Variants in ISG20 observed in about 807,000 individuals in gnomAD.
ISG20 encodes the protein interferon-stimulated gene 20 kDa protein.
ISG20 carries 8 observed loss-of-function variants against 11.1 expected under a neutral mutation model. The ratio of observed to expected loss-of-function variants is 0.72; its 90% confidence interval spans 0.42 to 1.30. ISG20 has a LOEUF of 1.30. ISG20 is among the 50% of genes most tolerant of loss of function. The probability of loss-of-function intolerance (pLI) is 0.01; values close to 1 mark genes in which losing one functional copy is unlikely to be tolerated. For synonymous variants in ISG20, 110 were observed against 101.7 expected, an observed-to-expected ratio of 1.08 and a Z score of -0.49; for missense variants, 243 against 250.2, an observed-to-expected ratio of 0.97 and a Z score of 0.19.
chr15:88,640,287 A>G (rs1209867613), intron 2 of ISG20, among the ~76,000 whole-genome samples: 3 of 152,218 alleles, frequency 2.0e-5, no homozygotes, highest in African/African-American at 4.8e-5. Context: ...AGGAAGTCCA[A>G]GAAGAACACA....
upstream of ISG20, chr15:88,636,118 C>T (rs1243299988): frequency 6.6e-6 from 1 of 152,246 alleles, no homozygotes; most frequent in African/African-American, 2.4e-5. Flanking sequence ...GCTGTGGATC[C>T]AGAGAGGGCC....
intron 3 of ISG20, 125 bp downstream of exon 3, chr15:88,652,435 T>A: frequency 1.7e-4 from 1 of 6,060 alleles, no homozygotes; most frequent in South Asian, 1.2e-3. Flanking sequence ...CTCCTCCTTC[T>A]CCTCCTCCTT....
chr15:88,641,965 A>C (rs1242294189), intron 2 of ISG20, among the ~76,000 whole-genome samples: 4 of 111,260 alleles, frequency 3.6e-5, no homozygotes, highest in Admixed American at 1.2e-4. Context: ...AGACAGAGTC[A>C]CTCTGTTGTC....
At chr15:88,652,357 TCCC>T in intron 3 of ISG20, 47 bp downstream of exon 3, 1 of 814,238 alleles carries the variant, frequency 1.2e-6, no homozygotes, top group Non-Finnish European at 1.6e-6. Flanking sequence ...CTCCCCCTCC[TCCC>T]CCTCCTCCTC....
chr15:88,642,546 T>C (rs1331385285), intron 2 of ISG20, among the ~76,000 whole-genome samples: 3 of 152,224 alleles, frequency 2.0e-5, no homozygotes, highest in Non-Finnish European at 1.5e-5. Context: ...ATGCTGCTAG[T>C]AGACTGAATT....
At chr15:88,645,640 C>T (rs1012624037) in intron 2 of ISG20, among the ~76,000 whole-genome samples, 1 of 152,130 alleles carries the variant, frequency 6.6e-6, no homozygotes, top group Non-Finnish European at 1.5e-5. Flanking sequence ...TCTCTCATAG[C>T]TCAGCCATTG....
At chr15:88,638,957 CAG>C (rs1206664781), upstream of ISG20, 1 of 232,882 alleles carries the variant, frequency 4.3e-6, no homozygotes, top group Non-Finnish European at 8.6e-6. Flanking sequence ...GAAACTGAAA[CAG>C]GGTCGGGATG....
Position 88,645,415 on chromosome 15 carries a change from T to A in ISG20, c.228+5821T>A, listed in dbSNP as rs990871310. Reference sequence around the variant, plus strand: ...CTCCGACTTCTCTTGGGAACTGCGGTCTTCGATGCTGACCCTCGTTTTCTG... The same window carrying A: ...CTCCGACTTCTCTTGGGAACTGCGGACTTCGATGCTGACCCTCGTTTTCTG... On this transcript the variant is annotated intron_variant, in intron 2 of 3. Coordinates refer to ENST00000306072, the MANE Select transcript of ISG20 (RefSeq NM_002201.6). Among the ~76,000 whole-genome samples the A allele has an allele frequency of 9.1e-4, 139 of 152,148 alleles. 1 individual carries two copies. Among genetic ancestry groups the A allele is most frequent in the Admixed American group, 2.6e-3 (40 of 15,284 alleles).
intron 2 of ISG20, among the ~76,000 whole-genome samples, chr15:88,644,147 C>A (rs891242590): frequency 6.6e-6 from 1 of 152,116 alleles, no homozygotes; most frequent in Admixed American, 6.5e-5. Flanking sequence ...ATTGAAGATT[C>A]TTGAGCAATG....
Position 88,655,642 on chromosome 15 carries a change from T to C in ISG20, c.*111T>C. The C allele has an allele frequency of 1.4e-6, 1 of 691,236 alleles. No individual in the cohort carries two copies. The allele number at this position is 691,236 out of a possible 1,614,324, so 42.8% of individuals were successfully genotyped here. On this transcript the variant is annotated 3_prime_UTR_variant, in exon 4 of 4. Transcript: ENST00000306072. The stretch of plus-strand genomic sequence containing the variant: ...AATAGTAAAGTGGCTCTATATTTTC[T>C]CTACGCCATCACTGGGTCCTCTTCT...
rs1394260609 is a variant in ISG20, at chr15:88,652,103, T to C, written c.229-7T>C. On this transcript the variant is annotated splice_region_variant and splice_polypyrimidine_tract_variant and intron_variant, in intron 2 of 3. Coordinates refer to ENST00000306072, the MANE Select transcript of ISG20 (RefSeq NM_002201.6). ...ATGTAGGGGTGGGCACATGTCTTCC[T>C]GGCCAGATCCTGCAGCTCCTGAAAG... 4 of 1,613,890 alleles carry C rather than the reference T, an allele frequency of 2.5e-6. No homozygotes were observed. The highest frequency in any genetic ancestry group is 3.4e-6 in the Non-Finnish European group (4 of 1,179,966).
Position 88,639,047 on chromosome 15 carries a change from G to A in ISG20, c.-54G>A. 1 of 465,754 alleles carries A rather than the reference G, an allele frequency of 2.1e-6. No homozygotes were observed. The highest frequency in any genetic ancestry group is 3.9e-6 in the Non-Finnish European group (1 of 258,502). 28.9% of individuals were successfully genotyped at this position (465,754 alleles called of 1,614,324 possible). On this transcript the variant is annotated 5_prime_UTR_variant, in exon 1 of 4. Coordinates refer to ENST00000306072, the MANE Select transcript of ISG20 (RefSeq NM_002201.6). The surrounding 1 kb of genome is among the most constrained non-coding windows in gnomAD (Gnocchi z 4.2). ...GCTGAGCAGTGGCAGCAGAGAGGCA[G>A]ACGTGAGCTGAGGGCGCAGAGGCAG...
At chr15:88,649,277 C>T (rs1451920937) in intron 2 of ISG20, 3 of 152,382 alleles carry the variant, frequency 2.0e-5, no homozygotes, top group Non-Finnish European at 2.9e-5. Flanking sequence ...CTTCTTTCCT[C>T]GGCTTGTCCT....
chr15:88,639,218 C>T lies in ISG20; in HGVS notation c.-24-125C>T. ...GGGGGAGGCAAGAGGCCAGCTTCCA[C>T]TGTGGCCAGGTGGTGTCGGAAACAA... On this transcript the variant is annotated intron_variant, in intron 1 of 3. Coordinates refer to ENST00000306072, the MANE Select transcript of ISG20 (RefSeq NM_002201.6). The surrounding 1 kb of genome is among the most constrained non-coding windows in gnomAD (Gnocchi z 4.2). 1 of 631,844 alleles carries T rather than the reference C, an allele frequency of 1.6e-6. No homozygotes were observed. Among genetic ancestry groups the T allele is most frequent in the Non-Finnish European group, 2.7e-6 (1 of 363,792 alleles). 39.1% of individuals were successfully genotyped at this position (631,844 alleles called of 1,614,324 possible).
At chr15:88,642,149 G>A (rs533423519) in intron 2 of ISG20, among the ~76,000 whole-genome samples, 13 of 151,768 alleles carry the variant, frequency 8.6e-5, no homozygotes, top group African/African-American at 3.1e-4. Context: ...GGCTGGTCTT[G>A]AATGCCTGAC....
At position 88,643,960 on chromosome 15, in the gene ISG20, T is replaced by C. The variant is rs2058125125; in HGVS notation, c.228+4366T>C. The stretch of plus-strand genomic sequence containing the variant: ...GCGTCATGTTGGCACTCAGAAAGTT[T>C]AGGATTCTGGAGCATTTGTATTTGG... On this transcript the variant is annotated intron_variant, in intron 2 of 3. Coordinates refer to ENST00000306072, the MANE Select transcript of ISG20 (RefSeq NM_002201.6). This position sits in a 1 kb window ranked among gnomAD's most constrained non-coding sequence, Gnocchi z 4.4. Among the ~76,000 whole-genome samples the C allele has an allele frequency of 6.6e-6, 1 of 152,188 alleles. No individual in the cohort carries two copies. The highest frequency in any genetic ancestry group is 1.5e-5 in the Non-Finnish European group (1 of 68,034).
At chr15:88,636,066 CCT>C (rs2057979880), upstream of ISG20, 1 of 152,240 alleles carries the variant, frequency 6.6e-6, no homozygotes, top group Non-Finnish European at 1.5e-5. Flanking sequence ...GGGAGAGGGG[CCT>C]CTCGCCCTCC....
intron 2 of ISG20, among the ~76,000 whole-genome samples, chr15:88,640,945 G>GA (rs66510627): frequency 0.85 from 124,402 of 146,216 alleles, 53,073 homozygotes; most frequent in Middle Eastern, 0.91. Flanking sequence ...ACAGAGCCAG[G>GA]AAAAAAAAAA....
chr15:88,652,795 C>A (rs901212783), intron 3 of ISG20, among the ~76,000 whole-genome samples: 1 of 150,454 alleles, frequency 6.6e-6, no homozygotes, highest in African/African-American at 2.5e-5. Context: ...TGAAATCAAG[C>A]CAGTTACCCT....
Sources: gnomAD v4.1 joint callset for allele counts (sites outside exome capture counted in the v4.1 genomes callset) on GRCh38, gnomAD v4.1.1 for gene constraint, Gnocchi (gnomAD v3.1) non-coding constraint, MANE v1.5 for transcripts, NCBI Gene and HGNC (gene_info 2026-07-23, HGNC 2026-07-21) for gene names.